The following TENM3 variants were observed in gnomAD, a reference collection of about 807,000 sequenced individuals.
TENM3 encodes teneurin-3.
Under a neutral mutation model 255.1 loss-of-function variants are expected in TENM3, and 63 were observed. That is an observed-to-expected ratio of 0.25 (90% CI 0.20 to 0.30). TENM3 has a LOEUF of 0.30. TENM3 is among the 10% of genes least tolerant of loss of function. The pLI, the probability that TENM3 is intolerant of heterozygous loss-of-function variation, is 1.00. For missense variants in TENM3, 2,929 were observed against 3,461.1 expected (o/e 0.85, Z 3.86); for synonymous variants, 1,306 against 1,322.3 (o/e 0.99, Z 0.27).
chr4:181,617,077 A>G, the TENM3 span, among the ~76,000 whole-genome samples: 2 of 152,180 alleles, frequency 1.3e-5, no homozygotes, highest in African/African-American at 4.8e-5. Flanking sequence ...TGCGGCACCC[A>G]CTATCACACA....
At chr4:182,378,824 A>T (rs367715194) in intron 3 of TENM3, among the ~76,000 whole-genome samples, 1 of 152,164 alleles carries the variant, frequency 6.6e-6, no homozygotes, top group Non-Finnish European at 1.5e-5. Context: ...ACAGGGAGAG[A>T]CATGATCCAA....
chr4:181,636,578 C>T, the TENM3 span, among the ~76,000 whole-genome samples: 22 of 152,284 alleles, frequency 1.4e-4, 1 homozygote, highest in South Asian at 2.1e-3. Context: ...CTTCCTCTCA[C>T]GTGCCCAGCC....
the TENM3 span, among the ~76,000 whole-genome samples, chr4:182,047,697 G>A: frequency 1.3e-5 from 2 of 151,948 alleles, no homozygotes; most frequent in South Asian, 4.1e-4. Context: ...TTGTGTAGAG[G>A]CAGCAACTCA....
At chr4:182,737,618 C>T (rs1239866106) in intron 17 of TENM3, among the ~76,000 whole-genome samples, 1 of 152,118 alleles carries the variant, frequency 6.6e-6, no homozygotes, top group Non-Finnish European at 1.5e-5. Context: ...CAAAGTGTGA[C>T]ATGTTGAGAG....
the TENM3 span, among the ~76,000 whole-genome samples, chr4:181,816,288 A>G: frequency 6.6e-6 from 1 of 152,168 alleles, no homozygotes; most frequent in Non-Finnish European, 1.5e-5. Flanking sequence ...ACCAACAAAA[A>G]TCAATCCTCA....
chr4:182,026,893 A>G, the TENM3 span, among the ~76,000 whole-genome samples: 4 of 152,120 alleles, frequency 2.6e-5, no homozygotes, highest in Non-Finnish European at 4.4e-5. Flanking sequence ...GTCAGGTAAT[A>G]TAATTCCTTC....
chr4:181,798,825 A>T, the TENM3 span, among the ~76,000 whole-genome samples: 1 of 152,246 alleles, frequency 6.6e-6, no homozygotes, highest in Non-Finnish European at 1.5e-5. Flanking sequence ...TGGGCTAATA[A>T]AAACGATGGT....
At chr4:182,430,884 C>T (rs1445523099) in intron 3 of TENM3, among the ~76,000 whole-genome samples, 5 of 151,692 alleles carry the variant, frequency 3.3e-5, no homozygotes, top group Non-Finnish European at 5.9e-5. Context: ...TGGTGGTGGG[C>T]ACCTGTAATC....
At chr4:182,666,573 T>A (rs1347561413) in intron 6 of TENM3, among the ~76,000 whole-genome samples, 1 of 152,172 alleles carries the variant, frequency 6.6e-6, no homozygotes, top group Non-Finnish European at 1.5e-5. Flanking sequence ...AGCAATAAAA[T>A]TTTTTAAATT....
the TENM3 span, among the ~76,000 whole-genome samples, chr4:181,779,840 A>G: frequency 6.6e-6 from 1 of 152,002 alleles, no homozygotes; most frequent in East Asian, 1.9e-4. Context: ...TCCTGTGTCC[A>G]AGTGTTCTCA....
At chr4:181,890,875 C>T in the TENM3 span, among the ~76,000 whole-genome samples, 1 of 152,148 alleles carries the variant, frequency 6.6e-6, no homozygotes, top group East Asian at 1.9e-4. Context: ...TCACAGTGCC[C>T]TAAATTCTAT....
the TENM3 span, among the ~76,000 whole-genome samples, chr4:181,626,470 C>T: frequency 6.6e-6 from 1 of 152,168 alleles, no homozygotes; most frequent in Admixed American, 6.5e-5. Flanking sequence ...AAGCATGGCT[C>T]CAGCATCTGC....
chr4:182,110,918 C>G, the TENM3 span, among the ~76,000 whole-genome samples: 2 of 152,144 alleles, frequency 1.3e-5, no homozygotes, highest in African/African-American at 4.8e-5. Flanking sequence ...GAATAAGTAA[C>G]TTTTAGACTA....
At chr4:181,510,373 CA>C in the TENM3 span, among the ~76,000 whole-genome samples, 7 of 151,884 alleles carry the variant, frequency 4.6e-5, no homozygotes, top group African/African-American at 1.7e-4. Flanking sequence ...AACACAAAAA[CA>C]AAGCCTCTGA....
intron 3 of TENM3, among the ~76,000 whole-genome samples, chr4:182,389,729 A>AGGCT (rs1768280994): frequency 8.1e-6 from 1 of 123,950 alleles, no homozygotes; most frequent in African/African-American, 3.0e-5. Context: ...TCTGTCGCCC[A>AGGCT]GGCTGGAGTG....
chr4:182,314,909 C>A (rs1463772870), intron 1 of TENM3, among the ~76,000 whole-genome samples: 1 of 152,128 alleles, frequency 6.6e-6, no homozygotes, highest in Admixed American at 6.5e-5. Context: ...TTTAAAATTT[C>A]TGTTTCCCCT....
At chr4:181,681,667 C>T in the TENM3 span, among the ~76,000 whole-genome samples, 1,765 of 152,110 alleles carry the variant, frequency 0.012, 34 homozygotes, top group African/African-American at 0.04. Context: ...TACCGACTCA[C>T]GATGATACAT....
the TENM3 span, among the ~76,000 whole-genome samples, chr4:181,691,188 T>C: frequency 2.0e-5 from 3 of 151,948 alleles, no homozygotes; most frequent in African/African-American, 4.8e-5. Flanking sequence ...CAAAGATAAT[T>C]GTACTTCTTC....
chr4:181,827,601 C>T, the TENM3 span, among the ~76,000 whole-genome samples: 1 of 152,208 alleles, frequency 6.6e-6, no homozygotes. Context: ...AAGCTCTTGC[C>T]TCCCTGACAG....
Sources: allele counts gnomAD v4.1 joint callset (sites outside exome capture counted in the v4.1 genomes callset), GRCh38; gene constraint gnomAD v4.1.1; transcripts MANE v1.5; gene names NCBI Gene and HGNC (gene_info 2026-07-23, HGNC 2026-07-21).